The following NAV2 variants were observed in gnomAD, a reference collection of about 807,000 sequenced individuals.
NAV2 encodes the protein neuron navigator 2.
In NAV2, 54 loss-of-function variants were observed where a neutral mutation model predicts 223.2. The ratio of observed to expected loss-of-function variants is 0.24; its 90% CI spans 0.19 to 0.30. The LOEUF is 0.30. NAV2 is among the 10% of genes least tolerant of loss of function. The pLI, the probability that NAV2 is intolerant of heterozygous loss-of-function variation, is 1.00. For synonymous variants in NAV2, 1,279 were observed against 1,239.3 expected, an observed-to-expected ratio of 1.03 and a Z score of -0.67; for missense variants, 2,806 against 3,147.5, an observed-to-expected ratio of 0.89 and a Z score of 2.60.
At chr11:20,001,742 T>C (rs1016413160) in intron 11 of NAV2, among the ~76,000 whole-genome samples, 2 of 150,944 alleles carry the variant, frequency 1.3e-5, no homozygotes, top group African/African-American at 4.9e-5. Context: ...CATTAGGAGA[T>C]ATACCTAATG....
At chr11:20,078,165 G>T (rs1013148921) in intron 24 of NAV2, 61 bp downstream of exon 24, 1 of 1,141,970 alleles carries the variant, frequency 8.8e-7, no homozygotes, top group Non-Finnish European at 1.3e-6. Context: ...GCCCTCCCCT[G>T]ACATCATATG....
intron 1 of NAV2, among the ~76,000 whole-genome samples, chr11:19,537,208 T>C (rs1189315826): frequency 6.6e-6 from 1 of 152,174 alleles, no homozygotes; most frequent in Non-Finnish European, 1.5e-5. Flanking sequence ...ATATTTTATT[T>C]AATTGTATAA....
At chr11:19,472,381 C>T (rs879633607) in intron 1 of NAV2, among the ~76,000 whole-genome samples, 2 of 152,064 alleles carry the variant, frequency 1.3e-5, no homozygotes, top group Non-Finnish European at 2.9e-5. Flanking sequence ...GAGTATTTAC[C>T]TTATAGAGTT....
intron 3 of NAV2, among the ~76,000 whole-genome samples, chr11:19,854,593 GT>G (rs756408518): frequency 1.3e-5 from 2 of 151,986 alleles, no homozygotes; most frequent in Non-Finnish European, 2.9e-5. Context: ...TACCTAACCC[GT>G]TTTACTCATT....
chr11:19,499,241 T>C (rs1036119712), intron 1 of NAV2, among the ~76,000 whole-genome samples: 9 of 152,312 alleles, frequency 5.9e-5, no homozygotes, highest in Admixed American at 5.9e-4. Context: ...GAAGGTACTA[T>C]AAATAAAAGG....
intron 1 of NAV2, among the ~76,000 whole-genome samples, chr11:19,792,056 T>G (rs1480344031): frequency 6.6e-6 from 1 of 152,200 alleles, no homozygotes; most frequent in Non-Finnish European, 1.5e-5. Context: ...GGGTGATTGT[T>G]CTGCACATGT....
intron 1 of NAV2, among the ~76,000 whole-genome samples, chr11:19,484,975 G>T (rs34923640): frequency 0.028 from 4,238 of 152,230 alleles, 85 homozygotes; most frequent in South Asian, 0.042. Context: ...GACAGCTGTG[G>T]CCCCAAGACC....
At chr11:19,369,299 C>A (rs932116186) in intron 1 of NAV2, among the ~76,000 whole-genome samples, 3 of 152,136 alleles carry the variant, frequency 2.0e-5, no homozygotes, top group Non-Finnish European at 2.9e-5. Flanking sequence ...ATTGGAACGA[C>A]CCATTGCAAA....
chr11:19,925,220 G>A (rs528733041), intron 6 of NAV2, among the ~76,000 whole-genome samples: 1 of 152,162 alleles, frequency 6.6e-6, no homozygotes, highest in Non-Finnish European at 1.5e-5. Context: ...ATCCGGTTCT[G>A]TAGGTTGCCT....
chr11:19,692,777 G>GA (rs149040078), intron 1 of NAV2, among the ~76,000 whole-genome samples: 1 of 152,262 alleles, frequency 6.6e-6, no homozygotes, highest in Middle Eastern at 3.4e-3. Context: ...GGATGCAGCA[G>GA]AAAAAAACCC....
chr11:19,654,881 A>G (rs1415807502), intron 1 of NAV2, among the ~76,000 whole-genome samples: 3 of 152,376 alleles, frequency 2.0e-5, no homozygotes, highest in Non-Finnish European at 4.4e-5. Context: ...AGAAGCCAAA[A>G]TTGATAAATG....
At chr11:19,803,028 C>T (rs994005791) in intron 1 of NAV2, among the ~76,000 whole-genome samples, 4 of 152,102 alleles carry the variant, frequency 2.6e-5, no homozygotes, top group African/African-American at 9.7e-5. Flanking sequence ...GTTGTGTGTT[C>T]CAGGCTGGGG....
chr11:19,787,171 A>G (rs1372262158), intron 1 of NAV2, among the ~76,000 whole-genome samples: 3 of 151,618 alleles, frequency 2.0e-5, no homozygotes, highest in Non-Finnish European at 4.4e-5. Flanking sequence ...GCTCACTGCA[A>G]CCTCAAACTC....
intron 1 of NAV2, among the ~76,000 whole-genome samples, chr11:19,645,297 C>T (rs1463524736): frequency 6.6e-6 from 1 of 152,200 alleles, no homozygotes; most frequent in African/African-American, 2.4e-5. Flanking sequence ...GACTCTCCTG[C>T]CTCCTGCTTT....
intron 1 of NAV2, among the ~76,000 whole-genome samples, chr11:19,428,897 G>A (rs559249606): frequency 4.6e-5 from 7 of 152,190 alleles, no homozygotes; most frequent in African/African-American, 1.7e-4. Flanking sequence ...GAACCTTGAC[G>A]TGTGTGCATT....
At chr11:19,517,918 C>T (rs922728029) in intron 1 of NAV2, among the ~76,000 whole-genome samples, 20 of 152,234 alleles carry the variant, frequency 1.3e-4, no homozygotes, top group Non-Finnish European at 2.2e-4. Flanking sequence ...TGTAGAATGG[C>T]GTCCAGCCTG....
Position 19,984,221 on chromosome 11 carries a change from C to T in NAV2, c.2742C>T (p.Thr914=), listed in dbSNP as rs146090208. Residue 914 remains threonine, a synonymous_variant, in exon 11 of 38, where the codon ACC becomes ACT. Coordinates refer to ENST00000349880, the MANE Select transcript of NAV2 (RefSeq NM_145117.5). The stretch of plus-strand genomic sequence containing the variant: ...TACGGGAGACCCTGCAACGAAATAC[C>T]TCCCTGGGCCTCGGAGACGCTGACA... ...AVVRETLQRN[T]SLGLGDADSW... The T allele has an allele frequency of 1.2e-6, 2 of 1,614,070 alleles. No individual in the cohort carries two copies. Among genetic ancestry groups the T allele is most frequent in the African/African-American group, 2.7e-5 (2 of 74,916 alleles).
At chr11:19,427,444 T>G (rs1850875002) in intron 1 of NAV2, among the ~76,000 whole-genome samples, 1 of 152,144 alleles carries the variant, frequency 6.6e-6, no homozygotes, top group African/African-American at 2.4e-5. Flanking sequence ...AACCTTTGCC[T>G]AGTTATAGGA....
intron 1 of NAV2, among the ~76,000 whole-genome samples, chr11:19,728,208 G>A (rs2051410066): frequency 6.6e-6 from 1 of 152,190 alleles, no homozygotes; most frequent in South Asian, 2.1e-4. Context: ...GAGACAGTAT[G>A]GTGAGCCTGA....
Sources: gnomAD v4.1 joint callset for allele counts (sites outside exome capture counted in the v4.1 genomes callset) on GRCh38, gnomAD v4.1.1 for gene constraint, MANE v1.5 for transcripts, NCBI Gene and HGNC (gene_info 2026-07-23, HGNC 2026-07-21) for gene names.